The following LPAR1 variants were observed in gnomAD, a reference collection of about 807,000 sequenced individuals.
The protein encoded by LPAR1 is lysophosphatidic acid receptor 1.
Under a neutral mutation model 23.8 loss-of-function variants are expected in LPAR1, and 5 were observed. The observed-to-expected ratio is 0.21, with a 90% CI of 0.11 to 0.44. The LOEUF (loss-of-function observed/expected upper bound fraction) is 0.44, where lower values mean the gene tolerates loss of function less well. Ranked by LOEUF, LPAR1 falls within the 20% of genes least tolerant of loss-of-function variation. The pLI is 0.99. For missense variants in LPAR1, 311 were observed against 482.8 expected (o/e 0.64, Z 3.33); for synonymous variants, 160 against 164.7 (o/e 0.97, Z 0.22).
chr9:110,941,808 C>G lies in LPAR1; in HGVS notation c.406G>C (p.Val136Leu). Residue 136 changes from valine to leucine, a missense_variant, in exon 5 of 6, where the codon GTG becomes CTG. Physicochemically the swap from Val to Leu is conservative, Grantham distance 32 (BLOSUM62 1). Around this residue, in one of 2 missense-constraint regions of LPAR1, gnomAD observed 250 missense variants for 427.2 expected, o/e 0.59. Transcript: ENST00000683809. This position sits in a 1 kb window ranked among gnomAD's most constrained non-coding sequence, Gnocchi z 6.1. Reference sequence around the variant, plus strand: ...ATTGCAATAGCCAGTAAGTTGGCCACAGATGCCGTCAGGCTGGTGTCAATG... The same window carrying G: ...ATTGCAATAGCCAGTAAGTTGGCCAGAGATGCCGTCAGGCTGGTGTCAATG... ...GLIDTSLTASVANLLAIAIER... is the reference protein window; with the variant it reads ...GLIDTSLTASLANLLAIAIER... 6.2e-7 allele frequency: 1 copy of G among 1,614,174 alleles called. No individual in the cohort carries two copies. Among genetic ancestry groups the G allele is most frequent in the Non-Finnish European group, 8.5e-7 (1 of 1,180,026 alleles).
At chr9:110,984,007 G>A (rs1300784875) in intron 2 of LPAR1, among the ~76,000 whole-genome samples, 2 of 151,838 alleles carry the variant, frequency 1.3e-5, no homozygotes, top group South Asian at 4.2e-4. Flanking sequence ...GTATATATTT[G>A]TGGGGTATAT....
chr9:110,997,445 T>TA (rs537026738), intron 2 of LPAR1, among the ~76,000 whole-genome samples: 51 of 152,346 alleles, frequency 3.3e-4, no homozygotes, highest in Non-Finnish European at 6.2e-4. Flanking sequence ...TATTTTCTTC[T>TA]ACTAATTCCT....
intron 2 of LPAR1, among the ~76,000 whole-genome samples, chr9:110,978,221 TA>T (rs2096600561): frequency 6.6e-6 from 1 of 152,102 alleles, no homozygotes; most frequent in South Asian, 2.1e-4. Flanking sequence ...GAGTCTGCGC[TA>T]ACCAGAAAAG....
chr9:110,948,355 A>G (rs1318500601), intron 4 of LPAR1, among the ~76,000 whole-genome samples: 2 of 152,198 alleles, frequency 1.3e-5, no homozygotes, highest in African/African-American at 4.8e-5. Flanking sequence ...ATATCCACTA[A>G]AAATGATTTT....
chr9:110,964,771 T>C (rs901255660), intron 4 of LPAR1, among the ~76,000 whole-genome samples: 4 of 147,614 alleles, frequency 2.7e-5, no homozygotes, highest in African/African-American at 1.0e-4. Flanking sequence ...ATTTTGAAAA[T>C]ACATATTTTG....
At chr9:111,024,678 C>A (rs2097652079) in intron 2 of LPAR1, among the ~76,000 whole-genome samples, 1 of 151,648 alleles carries the variant, frequency 6.6e-6, no homozygotes, top group African/African-American at 2.4e-5. Flanking sequence ...TTAGGTATTT[C>A]TCCTAATGTT....
intron 5 of LPAR1, among the ~76,000 whole-genome samples, chr9:110,889,976 TAAAAC>T (rs1347981806): frequency 1.3e-5 from 2 of 152,106 alleles, no homozygotes; most frequent in Non-Finnish European, 2.9e-5. Context: ...AAAAAGAAAT[TAAAAC>T]ATGTTACTGA....
chr9:110,932,799 C>A (rs1440594651), intron 5 of LPAR1, among the ~76,000 whole-genome samples: 1 of 152,192 alleles, frequency 6.6e-6, no homozygotes, highest in Non-Finnish European at 1.5e-5. Flanking sequence ...TAAGTTGGAA[C>A]ATTTCATCCC....
At chr9:110,961,022 G>GT (rs1284934869) in intron 4 of LPAR1, among the ~76,000 whole-genome samples, 1 of 151,776 alleles carries the variant, frequency 6.6e-6, no homozygotes, top group African/African-American at 2.4e-5. Flanking sequence ...ATGGAATTTT[G>GT]TATCTATTTT....
At chr9:110,998,442 T>C (rs1389988457) in intron 2 of LPAR1, among the ~76,000 whole-genome samples, 1 of 152,208 alleles carries the variant, frequency 6.6e-6, no homozygotes, top group Non-Finnish European at 1.5e-5. Flanking sequence ...TTTTGAATTA[T>C]TCAATAAAGA....
intron 4 of LPAR1, among the ~76,000 whole-genome samples, chr9:110,964,475 A>AT (rs2096124357): frequency 6.6e-6 from 1 of 152,136 alleles, no homozygotes. Flanking sequence ...ACATAAGGGG[A>AT]TTTTTTAAAA....
intron 5 of LPAR1, among the ~76,000 whole-genome samples, chr9:110,890,486 C>T (rs893085805): frequency 1.3e-5 from 2 of 152,034 alleles, no homozygotes; most frequent in African/African-American, 2.4e-5. Flanking sequence ...ACAAATCTCC[C>T]CCCCACAAAA....
chr9:110,923,255 C>T (rs1564475202), intron 5 of LPAR1, among the ~76,000 whole-genome samples: 1 of 152,156 alleles, frequency 6.6e-6, no homozygotes, highest in Non-Finnish European at 1.5e-5. Flanking sequence ...ATAATAGTAC[C>T]TACCAAGTAC....
chr9:110,880,735 G>A (rs1394485948), intron 5 of LPAR1, among the ~76,000 whole-genome samples: 1 of 152,204 alleles, frequency 6.6e-6, no homozygotes, highest in Non-Finnish European at 1.5e-5. Context: ...GAGACCTGCG[G>A]TGGGAATCAA....
chr9:110,936,124 C>T (rs902048311), intron 5 of LPAR1, among the ~76,000 whole-genome samples: 3 of 152,192 alleles, frequency 2.0e-5, no homozygotes, highest in Admixed American at 6.5e-5. Context: ...TCTGCCCATA[C>T]CTCTACTAGC....
At chr9:110,959,095 A>G (rs2095858341) in intron 4 of LPAR1, among the ~76,000 whole-genome samples, 1 of 148,054 alleles carries the variant, frequency 6.8e-6, no homozygotes, top group South Asian at 2.2e-4. Flanking sequence ...AGAAAAGGGA[A>G]CTCTTATACA....
intron 2 of LPAR1, among the ~76,000 whole-genome samples, chr9:110,989,394 T>C (rs2096853392): frequency 6.6e-6 from 1 of 152,218 alleles, no homozygotes; most frequent in African/African-American, 2.4e-5. Flanking sequence ...CTGGCTTTTA[T>C]GGTATTAAAT....
chr9:110,953,129 C>G (rs1057086477), intron 4 of LPAR1, among the ~76,000 whole-genome samples: 1 of 152,236 alleles, frequency 6.6e-6, no homozygotes, highest in Non-Finnish European at 1.5e-5. Flanking sequence ...CACACCACAC[C>G]TGACACTCAG....
intron 2 of LPAR1, among the ~76,000 whole-genome samples, chr9:110,996,509 G>A (rs2097010383): frequency 1.3e-5 from 2 of 152,018 alleles, no homozygotes; most frequent in Admixed American, 6.6e-5. Flanking sequence ...AAAAAATCTG[G>A]GAGAAGAAGA....
Sources: allele counts gnomAD v4.1 joint callset (sites outside exome capture counted in the v4.1 genomes callset), GRCh38; gene constraint gnomAD v4.1.1; regional missense constraint gnomAD v4.1.1; non-coding constraint Gnocchi (gnomAD v3.1); transcripts MANE v1.5; gene names NCBI Gene and HGNC (gene_info 2026-07-23, HGNC 2026-07-21).